The following RANBP9 variants were observed in gnomAD, a reference collection of about 807,000 sequenced individuals.
RANBP9 encodes ran-binding protein 9.
A neutral mutation model predicts 84.3 loss-of-function variants in RANBP9; 15 were observed. That is an observed-to-expected ratio of 0.18 (90% CI 0.12 to 0.27). The LOEUF (loss-of-function observed/expected upper bound fraction) is 0.27, where lower values mean the gene tolerates loss of function less well. Among genes scored for constraint, RANBP9 ranks in the 10% least tolerant of loss-of-function variants. The pLI is 1.00. For missense variants in RANBP9, 809 were observed against 912.8 expected, an observed-to-expected ratio of 0.89 and a Z score of 1.46; for synonymous variants, 392 against 349.6, an observed-to-expected ratio of 1.12 and a Z score of -1.35.
intron 1 of RANBP9, among the ~76,000 whole-genome samples, chr6:13,699,261 G>A (rs1757911825): frequency 1.3e-5 from 2 of 152,040 alleles, no homozygotes; most frequent in African/African-American, 2.4e-5. Context: ...AATCTTCAAG[G>A]ATCCATTATA....
chr6:13,647,657 A>T (rs1339255731), intron 5 of RANBP9, among the ~76,000 whole-genome samples: 1 of 152,208 alleles, frequency 6.6e-6, no homozygotes, highest in Non-Finnish European at 1.5e-5. Flanking sequence ...ATAGCCAAAG[A>T]GACTGGGATT....
Position 13,657,158 on chromosome 6 carries a change from A to G in RANBP9, c.855T>C (p.Val285=), listed in dbSNP as rs139113095. 14 of 1,613,030 alleles carry G rather than the reference A, an allele frequency of 8.7e-6. No homozygotes were observed. The highest frequency in any genetic ancestry group is 1.1e-5 in the Non-Finnish European group (13 of 1,179,446). ...FTTGDVIGCC[V]NLINNTCFYT... is the part of the protein sequence containing the mutation. ...AAAAGCAGGTATTGTTGATAAGATT[A>G]ACACAACAGCCAATGACATCACCAG... Residue 285 remains valine (V), a synonymous_variant, in exon 4 of 14, where the codon GTT becomes GTC. Transcript: ENST00000011619.
intron 2 of RANBP9, among the ~76,000 whole-genome samples, chr6:13,681,064 A>C (rs991714151): frequency 2.0e-5 from 3 of 152,236 alleles, no homozygotes; most frequent in African/African-American, 7.2e-5. Flanking sequence ...TAGATATAAA[A>C]CAATTAACAA....
At chr6:13,622,878 A>G (rs1764493509) in intron 13 of RANBP9, among the ~76,000 whole-genome samples, 1 of 152,246 alleles carries the variant, frequency 6.6e-6, no homozygotes, top group African/African-American at 2.4e-5. Flanking sequence ...AAAAGGCACC[A>G]GGTTTTCATT....
chr6:13,656,994 A>G (rs1368865304), intron 4 of RANBP9, 115 bp downstream of exon 4: 25 of 991,782 alleles, frequency 2.5e-5, no homozygotes, highest in Non-Finnish European at 3.0e-5. Flanking sequence ...GAAAGAAACC[A>G]TTTCCAGAGG....
chr6:13,621,618 T>C lies in RANBP9; in HGVS notation c.*744A>G, dbSNP rs571209276. On this transcript the variant is annotated 3_prime_UTR_variant, in exon 14 of 14. Coordinates refer to ENST00000011619, the MANE Select transcript of RANBP9 (RefSeq NM_005493.3). ...AAAGATTAAATTAAGACACGGTAAA[T>C]TGACTAAATATTTGGTTTTTATATA... 9 of 152,732 alleles carry C rather than the reference T, an allele frequency of 5.9e-5. No homozygotes were observed. Among genetic ancestry groups the C allele is most frequent in the East Asian group, 5.8e-4 (3 of 5,190 alleles). 9.5% of individuals were successfully genotyped at this position (152,732 alleles called of 1,614,324 possible). A position where few individuals can be genotyped will look rare whatever the true frequency, so the allele number is the denominator to read the frequency against.
intron 2 of RANBP9, among the ~76,000 whole-genome samples, chr6:13,693,672 AAC>A (rs1766377607): frequency 6.6e-6 from 1 of 152,234 alleles, no homozygotes; most frequent in South Asian, 2.1e-4. Context: ...AAGCACATGA[AAC>A]ACAAGAACTA....
intron 5 of RANBP9, among the ~76,000 whole-genome samples, chr6:13,647,044 T>C (rs961591077): frequency 6.6e-5 from 10 of 152,172 alleles, no homozygotes; most frequent in African/African-American, 1.4e-4. Flanking sequence ...CTGATAAGGG[T>C]TGGGGAAATA....
Position 13,700,346 on chromosome 6 carries a change from G to A in RANBP9, c.572-3450C>T, listed in dbSNP as rs1757935823. ...GGCCTAGGAAAAAGACACGCTTCCTGAGCACCTTGTCTGGTCTTGCTCTCC... is the reference window on the plus strand; with the variant it reads ...GGCCTAGGAAAAAGACACGCTTCCTAAGCACCTTGTCTGGTCTTGCTCTCC... On this transcript the variant is annotated intron_variant, in intron 1 of 13. Coordinates refer to ENST00000011619, the MANE Select transcript of RANBP9 (RefSeq NM_005493.3). Among the ~76,000 whole-genome samples the A allele has an allele frequency of 2.0e-5, 3 of 152,236 alleles. No homozygotes were observed. The South Asian group carries it at 6.2e-4, about 32-fold the overall frequency.
chr6:13,689,519 C>G (rs1766276049), intron 2 of RANBP9, among the ~76,000 whole-genome samples: 1 of 152,134 alleles, frequency 6.6e-6, no homozygotes, highest in African/African-American at 2.4e-5. Context: ...GGTGATCCAC[C>G]CGCTTCGGGC....
At chr6:13,667,223 T>C (rs552895728) in intron 2 of RANBP9, among the ~76,000 whole-genome samples, 1 of 152,312 alleles carries the variant, frequency 6.6e-6, no homozygotes, top group South Asian at 2.1e-4. Flanking sequence ...AGCATTCTAG[T>C]TTAATTCCTA....
intron 1 of RANBP9, 61 bp downstream of exon 1, chr6:13,710,874 A>T: frequency 6.6e-7 from 1 of 1,504,030 alleles, no homozygotes; most frequent in Non-Finnish European, 9.0e-7. Context: ...AGAGCGGCGC[A>T]GCGGCGGCCG....
chr6:13,641,588 CACTG>C (rs1242684496), intron 7 of RANBP9, among the ~76,000 whole-genome samples: 1 of 151,946 alleles, frequency 6.6e-6, no homozygotes, highest in East Asian at 1.9e-4. Context: ...AAGTTTCAAA[CACTG>C]AGATTAAAAA....
intron 2 of RANBP9, among the ~76,000 whole-genome samples, chr6:13,695,399 A>ATTTTTTT (rs1310915112): frequency 9.4e-6 from 1 of 106,434 alleles, no homozygotes; most frequent in Non-Finnish European, 1.9e-5. Context: ...CACCAACCAA[A>ATTTTTTT]TGTTTTTTTT....
chr6:13,633,410 G>A (rs529527254), intron 11 of RANBP9, among the ~76,000 whole-genome samples: 2 of 152,282 alleles, frequency 1.3e-5, no homozygotes, highest in Admixed American at 1.3e-4. Flanking sequence ...TAAAAATAAG[G>A]TAATGACGAT....
intron 9 of RANBP9, among the ~76,000 whole-genome samples, 168 bp downstream of exon 9, chr6:13,639,395 G>T (rs573135921): frequency 4.1e-4 from 62 of 152,224 alleles, no homozygotes; most frequent in African/African-American, 1.4e-3. Flanking sequence ...GGCCAGGCTG[G>T]TCTCGAACTC....
chr6:13,664,742 C>A (rs1313417949), intron 2 of RANBP9, among the ~76,000 whole-genome samples: 1 of 152,002 alleles, frequency 6.6e-6, no homozygotes, highest in Non-Finnish European at 1.5e-5. Context: ...AACATGGACA[C>A]CTATTATGCA....
intron 2 of RANBP9, among the ~76,000 whole-genome samples, chr6:13,690,554 G>A (rs1766299270): frequency 6.6e-6 from 1 of 152,178 alleles, no homozygotes; most frequent in Admixed American, 6.5e-5. Flanking sequence ...GAACAGAACA[G>A]AGAGACTGAA....
intron 1 of RANBP9, among the ~76,000 whole-genome samples, chr6:13,709,593 T>C (rs879095793): frequency 6.6e-6 from 1 of 152,156 alleles, no homozygotes; most frequent in African/African-American, 2.4e-5. Flanking sequence ...AAACAAAGAT[T>C]TGATATTGTG....
Sources: allele counts gnomAD v4.1 joint callset (sites outside exome capture counted in the v4.1 genomes callset), GRCh38; gene constraint gnomAD v4.1.1; transcripts MANE v1.5; gene names NCBI Gene and HGNC (gene_info 2026-07-23, HGNC 2026-07-21).